RELN: variants seen among roughly 807,000 people sequenced by gnomAD.
RELN encodes reelin.
Under a neutral mutation model 427.6 loss-of-function variants are expected in RELN, and 108 were observed. The ratio of observed to expected loss-of-function variants is 0.25; its 90% CI spans 0.22 to 0.30. The LOEUF (loss-of-function observed/expected upper bound fraction) is 0.30. Ranked by LOEUF, RELN falls within the 10% of genes least tolerant of loss-of-function variation. The pLI, the probability that RELN is intolerant of heterozygous loss-of-function variation, is 1.00. For missense variants in RELN, 3,715 were observed against 4,302.8 expected (o/e 0.86, Z 3.82); for synonymous variants, 1,524 against 1,513.4 (o/e 1.01, Z -0.16).
chr7:103,808,837 G>GA (rs1205854203), intron 3 of RELN, among the ~76,000 whole-genome samples: 2 of 151,924 alleles, frequency 1.3e-5, no homozygotes, highest in Non-Finnish European at 2.9e-5. Flanking sequence ...AGGCATTCCA[G>GA]AAAAAAGAGA....
At chr7:103,744,422 A>G (rs1562986426) in intron 6 of RELN, among the ~76,000 whole-genome samples, 1 of 152,190 alleles carries the variant, frequency 6.6e-6, no homozygotes, top group Non-Finnish European at 1.5e-5. Flanking sequence ...TCAGAGCAGA[A>G]CGGAAGGAAA....
chr7:103,953,273 T>C lies in RELN; in HGVS notation c.226+35858A>G, dbSNP rs1192482333. Reference sequence around the variant, plus strand: ...GATTGAAAAAGTTAAAATACTGCCCTACTTGAAACTCACAATAACAAGTGG... The same window carrying C: ...GATTGAAAAAGTTAAAATACTGCCCCACTTGAAACTCACAATAACAAGTGG... On this transcript the variant is annotated intron_variant, in intron 1 of 64. Transcript: ENST00000428762. This position sits in a 1 kb window ranked among gnomAD's most constrained non-coding sequence, Gnocchi z 4.3. 3.7e-4 allele frequency among the ~76,000 whole-genome samples: 57 copies of C among 152,246 alleles called. No homozygotes were observed. Among genetic ancestry groups the C allele is most frequent in the Admixed American group, 3.7e-3 (57 of 15,286 alleles).
At chr7:103,667,552 A>G (rs1833297772) in intron 11 of RELN, among the ~76,000 whole-genome samples, 1 of 152,200 alleles carries the variant, frequency 6.6e-6, no homozygotes, top group Non-Finnish European at 1.5e-5. Flanking sequence ...TATAATGTTT[A>G]TTAGCCATAA....
chr7:103,948,280 C>A (rs1390359929), intron 1 of RELN, among the ~76,000 whole-genome samples: 1 of 152,192 alleles, frequency 6.6e-6, no homozygotes, highest in African/African-American at 2.4e-5. Context: ...TGAACACACA[C>A]ATGCACACAC....
In RELN at chr7:103,988,374, A is replaced by G. The variant is rs1422013216; in HGVS notation, c.226+757T>C. On this transcript the variant is annotated intron_variant, in intron 1 of 64. Coordinates refer to ENST00000428762, the MANE Select transcript of RELN (RefSeq NM_005045.4). This position sits in a 1 kb window ranked among gnomAD's most constrained non-coding sequence, Gnocchi z 4.9. ...ATGATTCCATTTTTAAGATACCTCT[A>G]AATTATAAGGGATTCCAGCCTCTAC... 6.6e-6 allele frequency among the ~76,000 whole-genome samples: 1 copy of G among 152,214 alleles called. No individual in the cohort carries two copies. Among genetic ancestry groups the G allele is most frequent in the Non-Finnish European group, 1.5e-5 (1 of 68,034 alleles).
Position 103,703,154 on chromosome 7 carries a change from C to G in RELN, c.806-2148G>C, listed in dbSNP as rs114921573. Among the ~76,000 whole-genome samples, 1,215 of 152,200 alleles carry G rather than the reference C, an allele frequency of 8.0e-3. 21 individuals are homozygous for G. The highest frequency in any genetic ancestry group is 0.028 in the African/African-American group (1,165 of 41,520). On this transcript the variant is annotated intron_variant, in intron 8 of 64. Transcript: ENST00000428762. ...GCCAGAGGAACTGAGGTGGAAGGTA[C>G]CAGCTGGAAGGAGCACCCCCCAAGA...
intron 64 of RELN, among the ~76,000 whole-genome samples, chr7:103,474,269 G>A (rs979490331): frequency 2.0e-5 from 3 of 151,764 alleles, no homozygotes; most frequent in African/African-American, 7.3e-5. Flanking sequence ...TAGCATCTGT[G>A]CTAAAATATT....
At chr7:103,743,984 C>G (rs1030883626) in intron 6 of RELN, among the ~76,000 whole-genome samples, 1 of 152,156 alleles carries the variant, frequency 6.6e-6, no homozygotes, top group African/African-American at 2.4e-5. Context: ...CACACCACAC[C>G]TATTCCAAAA....
intron 3 of RELN, among the ~76,000 whole-genome samples, chr7:103,833,128 T>A (rs1483010282): frequency 2.7e-5 from 4 of 150,750 alleles, no homozygotes; most frequent in African/African-American, 1.0e-4. Flanking sequence ...GTTTAAAATC[T>A]CTTTTAGCAA....
intron 20 of RELN, among the ~76,000 whole-genome samples, chr7:103,624,118 T>C (rs1291893226): frequency 6.6e-6 from 1 of 152,154 alleles, no homozygotes; most frequent in Non-Finnish European, 1.5e-5. Flanking sequence ...TCCTTTTTAA[T>C]CTGGGATTTT....
At chr7:103,635,681 T>C (rs906076829) in intron 18 of RELN, 95 bp from the exon 19 acceptor site, 15 of 1,004,572 alleles carry the variant, frequency 1.5e-5, no homozygotes, top group African/African-American at 1.3e-4. Context: ...ATGTTTCTAC[T>C]CACCCCTCTT....
chr7:103,729,611 T>A (rs1480652260), intron 6 of RELN, among the ~76,000 whole-genome samples: 1 of 152,176 alleles, frequency 6.6e-6, no homozygotes, highest in African/African-American at 2.4e-5. Context: ...TTCCCTTGGT[T>A]ACTGTGAAGC....
chr7:103,575,585 G>A lies in RELN; in HGVS notation c.4266C>T (p.Cys1422=). Reference sequence around the variant, plus strand: ...GGTCACAGAAACACACTCCTGAAATGCAGTCCCCATGGCCACTGCAGTAAC... The same window carrying A: ...GGTCACAGAAACACACTCCTGAAATACAGTCCCCATGGCCACTGCAGTAAC... ...CPSYCSGHGD[C]ISGVCFCDLG... Residue 1422 remains cysteine (C), a synonymous_variant, in exon 29 of 65, where the codon TGC becomes TGT. Transcript: ENST00000428762. The A allele has an allele frequency of 1.2e-6, 2 of 1,614,098 alleles. No individual in the cohort carries two copies. The highest frequency in any genetic ancestry group is 3.3e-5 in the Admixed American group (2 of 60,024).
intron 45 of RELN, among the ~76,000 whole-genome samples, chr7:103,536,271 C>A (rs896592616): frequency 2.0e-5 from 3 of 152,168 alleles, no homozygotes; most frequent in African/African-American, 7.2e-5. Flanking sequence ...ATATTTATTT[C>A]TTTCCTTTTC....
At chr7:103,924,336 A>G (rs1468110519) in intron 1 of RELN, among the ~76,000 whole-genome samples, 1 of 151,834 alleles carries the variant, frequency 6.6e-6, no homozygotes, top group Non-Finnish European at 1.5e-5. Flanking sequence ...TTTGAGGGGG[A>G]GAAAGGAAGG....
intron 28 of RELN, among the ~76,000 whole-genome samples, chr7:103,585,237 A>C (rs1291729475): frequency 6.6e-6 from 1 of 152,188 alleles, no homozygotes; most frequent in Non-Finnish European, 1.5e-5. Flanking sequence ...TGAAACCAAG[A>C]AAAAGAATAC....
At chr7:103,842,005 A>AT (rs371798244) in intron 2 of RELN, among the ~76,000 whole-genome samples, 20 of 152,196 alleles carry the variant, frequency 1.3e-4, no homozygotes, top group African/African-American at 4.1e-4. Flanking sequence ...TAAAATTATG[A>AT]TTTTTTTATG....
At chr7:103,532,204 TACC>T (rs1332904487) in intron 46 of RELN, among the ~76,000 whole-genome samples, 4 of 152,074 alleles carry the variant, frequency 2.6e-5, no homozygotes, top group Non-Finnish European at 4.4e-5. Context: ...GAAAACCAAA[TACC>T]ATATGTTCTC....
rs1372349812 is a variant in RELN, at chr7:103,589,821, A to G, written c.3920T>C (p.Ile1307Thr). The change falls in exon 28 of 65, where the codon ATA (isoleucine) becomes ACA (threonine). Residue 1307 changes from isoleucine to threonine, a missense_variant. Coordinates refer to ENST00000428762, the MANE Select transcript of RELN (RefSeq NM_005045.4). ...PGYVLQFKLN[I>T]GCANQFSSTA... ...ACTGCTGAATTGATTGGCACAACCTATGTTTAGCTGTTAAAAGGAAGGACA... is the reference window on the plus strand; with the variant it reads ...ACTGCTGAATTGATTGGCACAACCTGTGTTTAGCTGTTAAAAGGAAGGACA... 2.5e-6 allele frequency: 4 copies of G among 1,595,472 alleles called. No homozygotes were observed. Among genetic ancestry groups the G allele is most frequent in the Admixed American group, 1.7e-5 (1 of 59,984 alleles).
Sources: allele counts gnomAD v4.1 joint callset (sites outside exome capture counted in the v4.1 genomes callset), GRCh38; gene constraint gnomAD v4.1.1; non-coding constraint Gnocchi (gnomAD v3.1); transcripts MANE v1.5; gene names NCBI Gene and HGNC (gene_info 2026-07-23, HGNC 2026-07-21).